The following LINC00237 variants were observed in gnomAD, a reference collection of about 807,000 sequenced individuals.
LINC00237 encodes the protein long independently transcribed non-coding RNA 237, also known as long intergenic non-protein coding RNA 237.
At chr20:21,096,512 C>A (rs1275029701) in intron 1 of LINC00237, among the ~76,000 whole-genome samples, 1 of 152,192 alleles carries the variant, frequency 6.6e-6, no homozygotes, top group Non-Finnish European at 1.5e-5. Context: ...CAGCCGTGTG[C>A]CCAGTGAGAA....
intron 2 of LINC00237, chr20:21,089,614 A>G (rs1007136139): frequency 2.0e-5 from 3 of 152,180 alleles, no homozygotes; most frequent in Non-Finnish European, 4.4e-5. Context: ...AATGATTTTT[A>G]AAGCCTCTTA....
intron 1 of LINC00237, among the ~76,000 whole-genome samples, chr20:21,105,396 T>C (rs1219257747): frequency 3.3e-5 from 5 of 151,124 alleles, no homozygotes; most frequent in South Asian, 2.1e-4. Context: ...AGCCATGGAA[T>C]AAGAGGCGAC....
chr20:21,087,474 GGAAGGACAAAGAA>G (rs1229382538), intron 3 of LINC00237: 1 of 151,966 alleles, frequency 6.6e-6, no homozygotes, highest in Non-Finnish European at 1.5e-5. Context: ...AGTGGCTTGA[GGAAGGACAAAGAA>G]GAAGGACTGC....
intron 3 of LINC00237, among the ~76,000 whole-genome samples, chr20:21,086,565 GTACATATATAGT>G (rs1363973915): frequency 1.0e-5 from 1 of 97,818 alleles, no homozygotes; most frequent in Non-Finnish European, 2.1e-5. Flanking sequence ...TATATATATA[GTACATATATAGT>G]GTATATATAG....
chr20:21,100,862 C>T (rs550982074), intron 1 of LINC00237, among the ~76,000 whole-genome samples: 6 of 152,232 alleles, frequency 3.9e-5, no homozygotes, highest in Middle Eastern at 3.4e-3. Context: ...AAAACCAAAT[C>T]GGGCCCATAA....
intron 1 of LINC00237, among the ~76,000 whole-genome samples, chr20:21,105,545 T>C (rs971005094): frequency 1.3e-5 from 2 of 152,202 alleles, no homozygotes; most frequent in African/African-American, 4.8e-5. Context: ...GCAGGGACAG[T>C]GTGAGCGCCG....
At chr20:21,095,727 G>T (rs1284511260) in intron 1 of LINC00237, among the ~76,000 whole-genome samples, 1 of 152,228 alleles carries the variant, frequency 6.6e-6, no homozygotes, top group African/African-American at 2.4e-5. Context: ...GATGCTGTCA[G>T]TGTTGATAGC....
At chr20:21,091,395 AAAAG>A (rs1409235164) in intron 2 of LINC00237, among the ~76,000 whole-genome samples, 8 of 152,198 alleles carry the variant, frequency 5.3e-5, no homozygotes, top group African/African-American at 1.9e-4. Context: ...ATGGCTCCAT[AAAAG>A]AAAGAGTGGA....
rs189281246 is a variant in LINC00237, at chr20:21,098,428, A to T, written n.89-4576T>A. Among the ~76,000 whole-genome samples, 3 of 152,380 alleles carry T rather than the reference A, an allele frequency of 2.0e-5. No homozygotes were observed. In the East Asian group the frequency reaches 5.8e-4, roughly 29 times the overall value. On this transcript the variant is annotated intron_variant and non_coding_transcript_variant, in intron 1 of 3. Transcript: ENST00000691244. Reference sequence around the variant, plus strand: ...AATAGAAATGAATGTGCCCGGTAGAAATGCTATTGTCATACTCTTGTGACA... The same window carrying T: ...AATAGAAATGAATGTGCCCGGTAGATATGCTATTGTCATACTCTTGTGACA...
chr20:21,091,937 A>G (rs1344429372), intron 2 of LINC00237, among the ~76,000 whole-genome samples: 1 of 151,758 alleles, frequency 6.6e-6, no homozygotes, highest in Non-Finnish European at 1.5e-5. Context: ...TTTTCCAGGT[A>G]TTTTTTTTCT....
intron 1 of LINC00237, among the ~76,000 whole-genome samples, chr20:21,096,897 C>T (rs112481416): frequency 5.3e-5 from 8 of 152,180 alleles, no homozygotes; most frequent in East Asian, 1.9e-4. Flanking sequence ...CATGTAGCCC[C>T]GTGGTACAGA....
In LINC00237 at chr20:21,086,782, A is replaced by ATT. The variant is rs1336820023; in HGVS notation, n.560-895_560-894insAA. The stretch of plus-strand genomic sequence containing the variant: ...TATACATATACTATACTATACATGT[A>ATT]CTATATATACATATACTATATATAT... On this transcript the variant is annotated intron_variant and non_coding_transcript_variant, in intron 3 of 3. Coordinates refer to ENST00000691244, the Ensembl canonical transcript of LINC00237. Among the ~76,000 whole-genome samples the ATT allele has an allele frequency of 1.3e-3, 153 of 117,046 alleles. 1 individual carries two copies. Among genetic ancestry groups the ATT allele is most frequent in the African/African-American group, 4.7e-3 (149 of 31,500 alleles). 76.8% of individuals were successfully genotyped at this position (117,046 alleles called of 152,430 possible).
chr20:21,095,597 T>C (rs1346787087), intron 1 of LINC00237, among the ~76,000 whole-genome samples: 1 of 152,216 alleles, frequency 6.6e-6, no homozygotes, highest in Non-Finnish European at 1.5e-5. Flanking sequence ...TAAACCAACC[T>C]GGCTAGAGCA....
In LINC00237 at chr20:21,101,509, C is replaced by A. The variant is rs910263967; in HGVS notation, n.88+4762G>T. 1.2e-4 allele frequency: 18 copies of A among 152,278 alleles called. No homozygotes were observed. The highest frequency in any genetic ancestry group is 1.9e-4 in the Non-Finnish European group (13 of 68,110). The allele number at this position is 152,278 out of a possible 1,614,324, so 9.4% of individuals were successfully genotyped here. A position where few individuals can be genotyped will look rare whatever the true frequency, so the allele number is the denominator to read the frequency against. On this transcript the variant is annotated intron_variant and non_coding_transcript_variant, in intron 1 of 3. Coordinates refer to ENST00000691244, the Ensembl canonical transcript of LINC00237. This position sits in a 1 kb window ranked among gnomAD's most constrained non-coding sequence, Gnocchi z 4.3. The stretch of plus-strand genomic sequence containing the variant: ...CGCGTGCGGGGGAAAGGCCCACCCA[C>A]GCTGTCCCTGGAGTCCCCTCCAGTG...
chr20:21,094,491 C>T (rs1256293121), intron 1 of LINC00237, among the ~76,000 whole-genome samples: 1 of 152,146 alleles, frequency 6.6e-6, no homozygotes, highest in Non-Finnish European at 1.5e-5. Context: ...GCATGGAAGA[C>T]CCCCGTGGAC....
chr20:21,103,230 T>C (rs898221553), intron 1 of LINC00237, among the ~76,000 whole-genome samples: 1 of 152,222 alleles, frequency 6.6e-6, no homozygotes, highest in Non-Finnish European at 1.5e-5. Context: ...CTTTCCCTGC[T>C]CAACACGAAA....
intron 1 of LINC00237, among the ~76,000 whole-genome samples, chr20:21,098,895 A>T (rs761038114): frequency 6.6e-6 from 1 of 152,244 alleles, no homozygotes; most frequent in Non-Finnish European, 1.5e-5. Context: ...CTCATTCAAG[A>T]TCAAATGGTT....
intron 2 of LINC00237, chr20:21,090,496 G>A (rs993137213): frequency 3.3e-5 from 5 of 152,204 alleles, no homozygotes; most frequent in Non-Finnish European, 7.3e-5. Flanking sequence ...CGAGCCATCA[G>A]GCAGTCTGAC....
chr20:21,100,002 C>G (rs1389653509), intron 1 of LINC00237, among the ~76,000 whole-genome samples: 1 of 152,194 alleles, frequency 6.6e-6, no homozygotes, highest in Non-Finnish European at 1.5e-5. Context: ...ATTTACTGCT[C>G]TTAATTCTTA....
Sources: gnomAD v4.1 joint callset for allele counts (sites outside exome capture counted in the v4.1 genomes callset) on GRCh38, gnomAD v4.1.1 for gene constraint, Gnocchi (gnomAD v3.1) non-coding constraint, MANE v1.5 for transcripts, NCBI Gene and HGNC (gene_info 2026-07-23, HGNC 2026-07-21) for gene names.